Variants in SNX30 observed in about 807,000 individuals in gnomAD.
SNX30 encodes sorting nexin family member 30.
SNX30 carries 24 observed loss-of-function variants against 46.4 expected under a neutral mutation model. The observed-to-expected ratio is 0.52, with a 90% CI of 0.37 to 0.73. The LOEUF (loss-of-function observed/expected upper bound fraction) is 0.73. Ranked by LOEUF, SNX30 falls within the 30% of genes least tolerant of loss-of-function variation. SNX30 has a pLI of 0.00. For missense variants in SNX30, 533 were observed against 555.7 expected, an observed-to-expected ratio of 0.96 and a Z score of 0.41; for synonymous variants, 189 against 211.5, an observed-to-expected ratio of 0.89 and a Z score of 0.92.
chr9:112,765,498 C>T (rs1299014369), intron 1 of SNX30, among the ~76,000 whole-genome samples: 1 of 152,190 alleles, frequency 6.6e-6, no homozygotes, highest in African/African-American at 2.4e-5. Context: ...CCATCTGTCT[C>T]TGGAGTTTTC....
At chr9:112,805,951 C>T (rs1840218542) in intron 2 of SNX30, among the ~76,000 whole-genome samples, 2 of 152,082 alleles carry the variant, frequency 1.3e-5, no homozygotes, top group Non-Finnish European at 1.5e-5. Flanking sequence ...TTACATAATT[C>T]CACTTATAAA....
chr9:112,872,549 G>A lies in SNX30; in HGVS notation c.*3706G>A, dbSNP rs1027869947. The stretch of plus-strand genomic sequence containing the variant: ...GTGGGTTAGAACTGGGTTCCAGTCT[G>A]GCCAGATGGGTTGCTGGCTGCACTG... On this transcript the variant is annotated 3_prime_UTR_variant, in exon 9 of 9. Transcript: ENST00000374232. The A allele has an allele frequency of 1.3e-5, 2 of 152,552 alleles. No homozygotes were observed. The highest frequency in any genetic ancestry group is 4.8e-5 in the African/African-American group (2 of 41,418). The allele number at this position is 152,552 out of a possible 1,614,324, so 9.4% of individuals were successfully genotyped here.
At chr9:112,752,236 A>G (rs1376501273) in intron 1 of SNX30, among the ~76,000 whole-genome samples, 1 of 152,180 alleles carries the variant, frequency 6.6e-6, no homozygotes, top group Non-Finnish European at 1.5e-5. Context: ...TAAAATCACT[A>G]GAGAGTGCGA....
At chr9:112,808,164 A>G (rs1840260955) in intron 2 of SNX30, among the ~76,000 whole-genome samples, 2 of 152,230 alleles carry the variant, frequency 1.3e-5, no homozygotes, top group Admixed American at 6.5e-5. Context: ...CAAGAGGAAC[A>G]CGGGATCCCA....
intron 1 of SNX30, among the ~76,000 whole-genome samples, chr9:112,755,442 G>A (rs1839332821): frequency 1.3e-5 from 2 of 152,042 alleles, no homozygotes; most frequent in Admixed American, 1.3e-4. Flanking sequence ...TATATTGAAT[G>A]TGGCCGGTCA....
At chr9:112,864,663 C>T (rs1046498891) in intron 8 of SNX30, among the ~76,000 whole-genome samples, 25 of 152,248 alleles carry the variant, frequency 1.6e-4, no homozygotes, top group African/African-American at 6.0e-4. Context: ...CTGGGCCTGG[C>T]ACTGGTTGCT....
At chr9:112,831,868 C>T (rs912300235) in intron 4 of SNX30, among the ~76,000 whole-genome samples, 1 of 152,206 alleles carries the variant, frequency 6.6e-6, no homozygotes, top group African/African-American at 2.4e-5. Context: ...ATGCTCAGAC[C>T]CTCCTGCTAG....
chr9:112,883,688 CTT>C (rs765366813), downstream of SNX30, among the ~76,000 whole-genome samples: 95 of 129,044 alleles, frequency 7.4e-4, no homozygotes, highest in Non-Finnish European at 1.3e-3. Flanking sequence ...CTGTTTTTTT[CTT>C]TTTTCTTTTC....
At chr9:112,844,006 T>A (rs1840900292) in intron 6 of SNX30, among the ~76,000 whole-genome samples, 1 of 152,126 alleles carries the variant, frequency 6.6e-6, no homozygotes, top group African/African-American at 2.4e-5. Context: ...AGAAGACAAC[T>A]AGTGCTACAG....
intron 1 of SNX30, among the ~76,000 whole-genome samples, chr9:112,797,873 A>AT (rs55871515): frequency 0.74 from 90,618 of 121,702 alleles, 33,912 homozygotes; most frequent in South Asian, 0.84. Flanking sequence ...TAATATTGGT[A>AT]TTTTTTTTTT....
At chr9:112,767,697 C>A (rs1203504874) in intron 1 of SNX30, among the ~76,000 whole-genome samples, 1 of 152,144 alleles carries the variant, frequency 6.6e-6, no homozygotes, top group African/African-American at 2.4e-5. Context: ...TCAAGTGATC[C>A]TCCCATCTCA....
At chr9:112,810,738 G>A (rs946939089) in intron 2 of SNX30, among the ~76,000 whole-genome samples, 1 of 152,156 alleles carries the variant, frequency 6.6e-6, no homozygotes, top group Non-Finnish European at 1.5e-5. Context: ...GGCTTGGAAA[G>A]GAAGCCTGAG....
chr9:112,859,386 T>C (rs969121005), intron 7 of SNX30, among the ~76,000 whole-genome samples: 1 of 152,234 alleles, frequency 6.6e-6, no homozygotes, highest in Non-Finnish European at 1.5e-5. Context: ...CTTTCATCTT[T>C]GGGCTACTGT....
intron 6 of SNX30, among the ~76,000 whole-genome samples, chr9:112,840,776 G>GTAT (rs1840843445): frequency 6.8e-6 from 1 of 146,408 alleles, no homozygotes; most frequent in African/African-American, 2.5e-5. Context: ...ACTGCGCCTG[G>GTAT]CTGATATTTC....
intron 3 of SNX30, among the ~76,000 whole-genome samples, chr9:112,828,890 A>C (rs1588130070): frequency 6.6e-6 from 1 of 152,012 alleles, no homozygotes; most frequent in Non-Finnish European, 1.5e-5. Context: ...GAAACCCTGT[A>C]CCCATGAAGC....
At chr9:112,766,078 G>A (rs1588108407) in intron 1 of SNX30, among the ~76,000 whole-genome samples, 2 of 152,052 alleles carry the variant, frequency 1.3e-5, no homozygotes, top group Non-Finnish European at 2.9e-5. Flanking sequence ...CTGGGATTAC[G>A]GGTGTGAGCC....
At chr9:112,848,294 A>G (rs1055994152) in intron 6 of SNX30, among the ~76,000 whole-genome samples, 1 of 152,144 alleles carries the variant, frequency 6.6e-6, no homozygotes, top group Middle Eastern at 3.4e-3. Flanking sequence ...TCTGACAGCC[A>G]TAGGCTGGTT....
At chr9:112,837,386 T>C (rs1840774129) in intron 5 of SNX30, among the ~76,000 whole-genome samples, 1 of 152,152 alleles carries the variant, frequency 6.6e-6, no homozygotes, top group African/African-American at 2.4e-5. Context: ...AGAGTGAGTC[T>C]GCCAGTGTAA....
intron 1 of SNX30, among the ~76,000 whole-genome samples, chr9:112,766,639 G>A (rs1839541897): frequency 6.6e-6 from 1 of 152,044 alleles, no homozygotes. Context: ...CCCAGCCCTA[G>A]GTCACTACCT....
Sources: allele counts gnomAD v4.1 joint callset (sites outside exome capture counted in the v4.1 genomes callset), GRCh38; gene constraint gnomAD v4.1.1; transcripts MANE v1.5; gene names NCBI Gene and HGNC (gene_info 2026-07-23, HGNC 2026-07-21).